Variants in TJP3 observed in about 807,000 individuals in gnomAD.
TJP3 encodes tight junction protein ZO-3.
A neutral mutation model predicts 104.2 loss-of-function variants in TJP3; 85 were observed. The observed-to-expected ratio is 0.82, with a 90% CI of 0.68 to 0.98. The LOEUF (loss-of-function observed/expected upper bound fraction) is 0.98, where lower values mean the gene tolerates loss of function less well. Ranked by LOEUF, TJP3 falls within the 50% of genes least tolerant of loss-of-function variation. TJP3 has a pLI of 0.00. For synonymous variants in TJP3, 550 were observed against 550.6 expected (o/e 1.00, Z 0.02); for missense variants, 1,367 against 1,322.8 (o/e 1.03, Z -0.52).
In TJP3 at chr19:3,711,285, C is replaced by T. The variant is rs1272629375; in HGVS notation, c.-10+2724C>T. On this transcript the variant is annotated intron_variant, in intron 1 of 20. Transcript: ENST00000541714. ...CGATCTCCGCTCGCTGCAACCTCCA[C>T]CTCCTGGGTTCAAAGCGATTCTCCT... Among the ~76,000 whole-genome samples, 3 of 62,318 alleles carry T rather than the reference C, an allele frequency of 4.8e-5. 1 individual carries two copies. Among genetic ancestry groups the T allele is most frequent in the African/African-American group, 1.6e-4 (3 of 18,184 alleles). The allele number at this position is 62,318 out of a possible 152,430, so 40.9% of individuals were successfully genotyped here. A position where few individuals can be genotyped will look rare whatever the true frequency, so the allele number is the denominator to read the frequency against.
intron 14 of TJP3, among the ~76,000 whole-genome samples, chr19:3,742,390 G>A: frequency 6.6e-6 from 1 of 151,782 alleles, no homozygotes; most frequent in Non-Finnish European, 1.5e-5. Context: ...CTATGATCAT[G>A]CTGCTGCACT....
At chr19:3,747,156 G>T (rs1019839467) in intron 18 of TJP3, among the ~76,000 whole-genome samples, 9 of 152,042 alleles carry the variant, frequency 5.9e-5, no homozygotes, top group African/African-American at 1.9e-4. Flanking sequence ...CGCCTCCCGG[G>T]TTCAAGTGAT....
chr19:3,724,242 C>A (rs1181236652), intron 1 of TJP3, among the ~76,000 whole-genome samples: 5 of 151,974 alleles, frequency 3.3e-5, no homozygotes. Flanking sequence ...GTCGCCCAGG[C>A]TGGAGTGCAG....
chr19:3,743,990 T>C lies in TJP3; in HGVS notation c.1895T>C (p.Met632Thr), dbSNP rs1292340043. Residue 632 changes from methionine to threonine, a missense_variant, in exon 15 of 21, where the codon ATG becomes ACG. Transcript: ENST00000541714. ...CTGGGACCCGTGGCCGACATTGCTA[T>C]GCAGAAGTTGACTGCTGAGATGCCT... Reference protein sequence around the residue: ...VILGPVADIAMQKLTAEMPDQ... With the variant: ...VILGPVADIATQKLTAEMPDQ... The C allele has an allele frequency of 1.9e-6, 3 of 1,614,054 alleles. No individual in the cohort carries two copies. The highest frequency in any genetic ancestry group is 1.7e-6 in the Non-Finnish European group (2 of 1,180,032).
intron 1 of TJP3, among the ~76,000 whole-genome samples, chr19:3,710,485 G>A (rs576071504): frequency 4.4e-4 from 67 of 152,328 alleles, no homozygotes; most frequent in Non-Finnish European, 9.0e-4. Context: ...TCAGCATCTC[G>A]AGAAAGTCCT....
At chr19:3,720,949 C>T (rs1398363322) in intron 1 of TJP3, among the ~76,000 whole-genome samples, 3 of 145,084 alleles carry the variant, frequency 2.1e-5, no homozygotes, top group Admixed American at 7.2e-5. Flanking sequence ...ACTCTGTCGC[C>T]CAGACTGGAG....
intron 3 of TJP3, 87 bp downstream of exon 3, chr19:3,728,800 C>A: frequency 7.0e-7 from 1 of 1,430,576 alleles, no homozygotes; most frequent in South Asian, 1.2e-5. Flanking sequence ...CACCCGTCAT[C>A]CCAGCACTTT....
chr19:3,722,081 TGCGTCCGC>T (rs58776875), intron 1 of TJP3, among the ~76,000 whole-genome samples: 37,781 of 151,580 alleles, frequency 0.25, 5,541 homozygotes, highest in East Asian at 0.47. Context: ...CACTTCGAGA[TGCGTCCGC>T]GCGTCCGCGC....
At position 3,710,210 on chromosome 19, in the gene TJP3, G is replaced by C. The variant is rs117895221; in HGVS notation, c.-10+1649G>C. ...AGTCACCAAGGCACAGGGCTGTTGAGTGCCGGATGTAATAAAGCGGGTAAC... is the reference window on the plus strand; with the variant it reads ...AGTCACCAAGGCACAGGGCTGTTGACTGCCGGATGTAATAAAGCGGGTAAC... On this transcript the variant is annotated intron_variant, in intron 1 of 20. Coordinates refer to ENST00000541714, the MANE Select transcript of TJP3 (RefSeq NM_001267560.2). Among the ~76,000 whole-genome samples, 23 of 151,790 alleles carry C rather than the reference G, an allele frequency of 1.5e-4. No homozygotes were observed. In the East Asian group the frequency reaches 4.5e-3, roughly 29 times the overall value.
At chr19:3,750,098 TG>T (rs761159986) in intron 19 of TJP3, 39 bp from the exon 20 acceptor site, 1 of 1,613,708 alleles carries the variant, frequency 6.2e-7, no homozygotes, top group Non-Finnish European at 8.5e-7. Context: ...CACCATGCTC[TG>T]GGGGGAGTTT....
rs570981500 is a variant in TJP3, at chr19:3,709,467, G to A, written c.-10+906G>A. Among the ~76,000 whole-genome samples the A allele has an allele frequency of 2.2e-4, 33 of 152,230 alleles. No individual in the cohort carries two copies. The South Asian group carries it at 5.8e-3, about 27-fold the overall frequency. On this transcript the variant is annotated intron_variant, in intron 1 of 20. Transcript: ENST00000541714. ...GGGCAGAGGGGAAGGAGGAAGGAGC[G>A]CTCAGAGCCAGAGAGGGGAGGGGTC...
chr19:3,745,063 C>A (rs2036867882), intron 15 of TJP3, among the ~76,000 whole-genome samples: 1 of 148,136 alleles, frequency 6.8e-6, no homozygotes, highest in Non-Finnish European at 1.5e-5. Context: ...GCCTGGGCAA[C>A]ACAGCAAAAT....
At position 3,730,654 on chromosome 19, in the gene TJP3, C is replaced by T. The variant is rs141029951; in HGVS notation, c.561C>T (p.Asp187=). 3.8e-5 allele frequency: 62 copies of T among 1,611,434 alleles called. No individual in the cohort carries two copies. The African/African-American group carries it at 5.2e-4, about 14-fold the overall frequency. The change falls in exon 5 of 21, where the codon GAC becomes GAT. Residue 187 remains aspartate, a synonymous_variant. Coordinates refer to ENST00000541714, the MANE Select transcript of TJP3 (RefSeq NM_001267560.2). The surrounding 1 kb of genome is among the most constrained non-coding windows in gnomAD (Gnocchi z 7.3). ...GCTTTAAGCGGCTGCCACGGCAGGA[C>T]GTGCAGATGAAGCCTGTGAAGTCAG... is the stretch of plus-strand genomic sequence containing the variant. ...VSGFKRLPRQ[D]VQMKPVKSVL...
At chr19:3,718,535 C>A (rs1444886047) in intron 1 of TJP3, among the ~76,000 whole-genome samples, 1 of 150,954 alleles carries the variant, frequency 6.6e-6, no homozygotes, top group Non-Finnish European at 1.5e-5. Flanking sequence ...GTGGCGCAAT[C>A]TTGGCTGACT....
intron 8 of TJP3, 44 bp from the exon 9 acceptor site, chr19:3,735,522 C>T (rs1287743465): frequency 1.9e-6 from 3 of 1,604,052 alleles, no homozygotes; most frequent in Non-Finnish European, 2.6e-6. Flanking sequence ...AAAATGGCCC[C>T]TTGAAATCCA....
In TJP3 at chr19:3,736,288, G is replaced by T. The variant is rs776971368; in HGVS notation, c.1251G>T (p.Gly417=). 11 of 1,539,292 alleles carry T rather than the reference G, an allele frequency of 7.1e-6. No individual in the cohort carries two copies. Among genetic ancestry groups the T allele is most frequent in the South Asian group, 1.3e-5 (1 of 78,672 alleles). Residue 417 remains glycine (G), a synonymous_variant, in exon 11 of 21, where the codon GGG becomes GGT. Transcript: ENST00000541714. ...TGCAGGCGGGCAGCCCGGCCGACGG[G>T]CAGGGCATCCAGGAGGGAGATCAGA... ...SGVQAGSPAD[G]QGIQEGDQIL... is the part of the protein sequence containing the mutation.
intron 1 of TJP3, among the ~76,000 whole-genome samples, chr19:3,719,028 A>G (rs536982703): frequency 2.0e-5 from 3 of 151,792 alleles, no homozygotes; most frequent in Non-Finnish European, 2.9e-5. Flanking sequence ...TACTAAAAAT[A>G]CAAAAATTAG....
chr19:3,739,578 CATTTGGTGCT>C (rs1412030170), intron 13 of TJP3, among the ~76,000 whole-genome samples: 1 of 152,200 alleles, frequency 6.6e-6, no homozygotes, highest in Non-Finnish European at 1.5e-5. Context: ...GGGCGGGCCC[CATTTGGTGCT>C]GGTATGAGCT....
intron 1 of TJP3, among the ~76,000 whole-genome samples, chr19:3,717,230 G>T (rs1049244494): frequency 6.8e-6 from 1 of 146,146 alleles, no homozygotes; most frequent in Non-Finnish European, 1.5e-5. Context: ...CTCCCAAAGT[G>T]CTGGGATTAC....
Sources: gnomAD v4.1 joint callset for allele counts (sites outside exome capture counted in the v4.1 genomes callset) on GRCh38, gnomAD v4.1.1 for gene constraint, Gnocchi (gnomAD v3.1) non-coding constraint, MANE v1.5 for transcripts, NCBI Gene and HGNC (gene_info 2026-07-23, HGNC 2026-07-21) for gene names.